The following KCNIP4 variants were observed in gnomAD, a reference collection of about 807,000 sequenced individuals.
The protein encoded by KCNIP4 is Kv channel-interacting protein 4.
A neutral mutation model predicts 34.0 loss-of-function variants in KCNIP4; 12 were observed. The observed-to-expected ratio is 0.35, with a 90% CI of 0.23 to 0.57. The LOEUF (loss-of-function observed/expected upper bound fraction) is 0.57. Ranked by LOEUF, KCNIP4 falls within the 20% of genes least tolerant of loss-of-function variation. The pLI, the probability that KCNIP4 is intolerant of heterozygous loss-of-function variation, is 0.83. For synonymous variants in KCNIP4, 124 were observed against 102.2 expected (o/e 1.21, Z -1.29); for missense variants, 238 against 311.7 (o/e 0.76, Z 1.78).
intron 1 of KCNIP4, among the ~76,000 whole-genome samples, chr4:21,015,548 ATAAT>A (rs1156280392): frequency 2.4e-5 from 3 of 122,456 alleles, no homozygotes; most frequent in Non-Finnish European, 4.9e-5. Flanking sequence ...TTATATTATT[ATAAT>A]TAATATAATA....
chr4:20,910,853 G>A lies in KCNIP4; in HGVS notation c.62-28144C>T, dbSNP rs1728261510. 1.3e-5 allele frequency among the ~76,000 whole-genome samples: 2 copies of A among 152,118 alleles called. 1 individual carries two copies. The highest frequency in any genetic ancestry group is 4.1e-4 in the South Asian group (2 of 4,830). On this transcript the variant is annotated intron_variant, in intron 1 of 8. Transcript: ENST00000382152. ...TCCTCTAGCCCCGTTATGCCCCTTTGAGTGTGACACAGCTCCTAGAGGCAG... is the reference window on the plus strand; with the variant it reads ...TCCTCTAGCCCCGTTATGCCCCTTTAAGTGTGACACAGCTCCTAGAGGCAG...
Position 21,151,304 on chromosome 4 carries a change from C to T in KCNIP4, c.62-268595G>A, listed in dbSNP as rs145482497. Among the ~76,000 whole-genome samples, 6 of 151,748 alleles carry T rather than the reference C, an allele frequency of 4.0e-5. No homozygotes were observed. The East Asian group carries it at 9.7e-4, about 25-fold the overall frequency. On this transcript the variant is annotated intron_variant, in intron 1 of 8. Transcript: ENST00000382152. ...TTAAAATTACAATGGTAACTAATGA[C>T]TTCCACAGTTTCCCACAATCACATC... is the stretch of plus-strand genomic sequence containing the variant.
intron 1 of KCNIP4, among the ~76,000 whole-genome samples, chr4:21,199,292 G>T (rs909527017): frequency 1.1e-4 from 17 of 152,282 alleles, no homozygotes; most frequent in Admixed American, 7.2e-4. Flanking sequence ...GTATCTCATT[G>T]TGGTTTTGAT....
intron 1 of KCNIP4, among the ~76,000 whole-genome samples, chr4:21,835,054 C>CT: frequency 6.6e-6 from 1 of 152,124 alleles, no homozygotes; most frequent in Admixed American, 6.5e-5. Context: ...CTAAAATTCT[C>CT]TTTTTTGGTT....
chr4:21,143,388 T>G (rs1262297407), intron 1 of KCNIP4, among the ~76,000 whole-genome samples: 1 of 152,082 alleles, frequency 6.6e-6, no homozygotes, highest in Non-Finnish European at 1.5e-5. Flanking sequence ...TGACCAATAG[T>G]CAGCAAGGAA....
chr4:21,595,502 C>T (rs6824711), intron 1 of KCNIP4, among the ~76,000 whole-genome samples: 10,014 of 152,012 alleles, frequency 0.066, 479 homozygotes, highest in African/African-American at 0.13. Flanking sequence ...TTTGGGTATA[C>T]ACCCAGTAAT....
intron 1 of KCNIP4, among the ~76,000 whole-genome samples, chr4:21,565,282 A>G (rs1435772006): frequency 1.3e-5 from 2 of 152,100 alleles, no homozygotes; most frequent in African/African-American, 4.8e-5. Flanking sequence ...ATATCTTCAC[A>G]TGGTAGAGAA....
chr4:21,439,118 C>T lies in KCNIP4; in HGVS notation c.61+509453G>A, dbSNP rs371072563. Among the ~76,000 whole-genome samples, 98 of 149,310 alleles carry T rather than the reference C, an allele frequency of 6.6e-4. 1 individual carries two copies. Among genetic ancestry groups the T allele is most frequent in the South Asian group, 5.7e-3 (27 of 4,744 alleles). ...CGGAGCTTGCAGTGAGCCGACATCG[C>T]GCCACTGCACTCCAGCATGGGCGAC... On this transcript the variant is annotated intron_variant, in intron 1 of 8. Coordinates refer to ENST00000382152, the MANE Select transcript of KCNIP4 (RefSeq NM_025221.6).
intron 1 of KCNIP4, among the ~76,000 whole-genome samples, chr4:21,105,118 T>C (rs1022068718): frequency 2.0e-5 from 3 of 151,708 alleles, no homozygotes; most frequent in Admixed American, 6.5e-5. Context: ...GTAGTTTTTT[T>C]CCAATTCTGT....
At chr4:21,736,316 T>G (rs1009323766) in intron 1 of KCNIP4, among the ~76,000 whole-genome samples, 19 of 152,140 alleles carry the variant, frequency 1.2e-4, no homozygotes, top group Non-Finnish European at 4.4e-5. Flanking sequence ...CCACCTCCCT[T>G]CCTATGGCTA....
At chr4:21,420,249 G>A (rs573924942) in intron 1 of KCNIP4, among the ~76,000 whole-genome samples, 192 of 152,210 alleles carry the variant, frequency 1.3e-3, no homozygotes, top group South Asian at 2.3e-3. Context: ...AAATTAAAAT[G>A]GCGAAATAAT....
intron 1 of KCNIP4, among the ~76,000 whole-genome samples, chr4:21,211,738 C>T (rs1757238405): frequency 6.6e-6 from 1 of 152,082 alleles, no homozygotes; most frequent in Admixed American, 6.6e-5. Context: ...TTAACTTCAT[C>T]TTCAAAATAA....
At chr4:21,891,016 C>T (rs1426067857) in intron 1 of KCNIP4, among the ~76,000 whole-genome samples, 1 of 152,114 alleles carries the variant, frequency 6.6e-6, no homozygotes, top group South Asian at 2.1e-4. Context: ...CACCTGGCAA[C>T]CTTCATTTAA....
rs1056616115 is a variant in KCNIP4 at position 21,252,864 on chromosome 4, G to C, written c.62-370155C>G. 1.3e-5 allele frequency among the ~76,000 whole-genome samples: 2 copies of C among 151,430 alleles called. 1 individual carries two copies. Among genetic ancestry groups the C allele is most frequent in the South Asian group, 4.2e-4 (2 of 4,780 alleles). ...GGACCCTCTGGAAGCCTAGAGCCTT[G>C]GGTCCCATCCTAAAAGATAAGCACT... On this transcript the variant is annotated intron_variant, in intron 1 of 8. Coordinates refer to ENST00000382152, the MANE Select transcript of KCNIP4 (RefSeq NM_025221.6).
At chr4:20,783,373 A>G (rs746771884) in intron 3 of KCNIP4, among the ~76,000 whole-genome samples, 1 of 152,358 alleles carries the variant, frequency 6.6e-6, no homozygotes, top group East Asian at 1.9e-4. Flanking sequence ...TGATAAAGAC[A>G]TACCTGAGAC....
chr4:20,926,736 T>A (rs1485239743), intron 1 of KCNIP4, among the ~76,000 whole-genome samples: 1 of 152,148 alleles, frequency 6.6e-6, no homozygotes, highest in African/African-American at 2.4e-5. Flanking sequence ...TCCACATGAG[T>A]CACTCCAACA....
chr4:21,729,594 T>C (rs1230098548), intron 1 of KCNIP4, among the ~76,000 whole-genome samples: 2 of 152,108 alleles, frequency 1.3e-5, no homozygotes, highest in Non-Finnish European at 2.9e-5. Context: ...AATAAATTAG[T>C]AATACTTCTG....
At position 21,628,943 on chromosome 4, in the gene KCNIP4, T is replaced by A. The variant is rs183370189; in HGVS notation, c.61+319628A>T. Among the ~76,000 whole-genome samples the A allele has an allele frequency of 8.1e-3, 1,237 of 152,300 alleles. 8 individuals are homozygous for A. Among genetic ancestry groups the A allele is most frequent in the Non-Finnish European group, 0.014 (955 of 68,028 alleles). On this transcript the variant is annotated intron_variant, in intron 1 of 8. Coordinates refer to ENST00000382152, the MANE Select transcript of KCNIP4 (RefSeq NM_025221.6). ...TAATTATATAAGAATTTCACAAATA[T>A]GTGGTTTTGTGGAAAATCTGAAGTA...
chr4:20,919,754 C>G (rs373872467), intron 1 of KCNIP4, among the ~76,000 whole-genome samples: 1 of 147,954 alleles, frequency 6.8e-6, no homozygotes, highest in South Asian at 2.2e-4. Flanking sequence ...TATTGTTTGG[C>G]GGGGGGGAGT....
Sources: gnomAD v4.1 joint callset for allele counts (sites outside exome capture counted in the v4.1 genomes callset) on GRCh38, gnomAD v4.1.1 for gene constraint, MANE v1.5 for transcripts, NCBI Gene and HGNC (gene_info 2026-07-23, HGNC 2026-07-21) for gene names.